ABCC4: variants seen among roughly 807,000 people sequenced by gnomAD.
ABCC4 encodes ATP binding cassette subfamily C member 4 (PEL blood group).
A neutral mutation model predicts 168.5 loss-of-function variants in ABCC4; 102 were observed. That is an observed-to-expected ratio of 0.61 (90% CI 0.52 to 0.71). The LOEUF is 0.71. ABCC4 is among the 30% of genes least tolerant of loss of function. ABCC4 has a pLI of 0.00. For synonymous variants in ABCC4, 617 were observed against 590.7 expected, an observed-to-expected ratio of 1.04 and a Z score of -0.65; for missense variants, 1,402 against 1,605.8, an observed-to-expected ratio of 0.87 and a Z score of 2.17.
At chr13:95,289,111 CAGTAATCTGA>C (rs2138944300) in intron 1 of ABCC4, among the ~76,000 whole-genome samples, 2 of 152,286 alleles carry the variant, frequency 1.3e-5, no homozygotes, top group East Asian at 3.9e-4. Context: ...TCTCTCAAGA[CAGTAATCTGA>C]GGGATTACTT....
At chr13:95,103,408 T>C (rs887347737) in intron 20 of ABCC4, among the ~76,000 whole-genome samples, 6 of 152,234 alleles carry the variant, frequency 3.9e-5, no homozygotes, top group Non-Finnish European at 2.9e-5. Flanking sequence ...TGGCTTCCTT[T>C]TAATTTTGGA....
At chr13:95,116,036 CCCAGATAGA>C (rs1269430205) in intron 19 of ABCC4, 35 bp from the exon 20 acceptor site, 12 of 1,465,504 alleles carry the variant, frequency 8.2e-6, no homozygotes, top group African/African-American at 1.4e-5. Context: ...TACTCATTTC[CCCAGATAGA>C]CCCTTTAAGA....
At chr13:95,023,795 C>T (rs186996503) in intron 30 of ABCC4, among the ~76,000 whole-genome samples, 1 of 152,306 alleles carries the variant, frequency 6.6e-6, no homozygotes, top group East Asian at 1.9e-4. Context: ...TTTACAGAAT[C>T]CCAAAGCTGT....
intron 20 of ABCC4, among the ~76,000 whole-genome samples, chr13:95,103,261 T>C (rs1371511662): frequency 6.6e-6 from 1 of 152,032 alleles, no homozygotes; most frequent in Non-Finnish European, 1.5e-5. Flanking sequence ...CGAGACTCCG[T>C]CTCAAAAACA....
chr13:95,140,328 A>T (rs1016830694), intron 19 of ABCC4, among the ~76,000 whole-genome samples: 20 of 152,244 alleles, frequency 1.3e-4, no homozygotes, highest in African/African-American at 4.8e-4. Context: ...AACAGGCTAC[A>T]GATTGCCCAA....
At chr13:95,054,865 G>C (rs1457153371) in intron 26 of ABCC4, among the ~76,000 whole-genome samples, 1 of 152,128 alleles carries the variant, frequency 6.6e-6, no homozygotes, top group African/African-American at 2.4e-5. Flanking sequence ...GATATCCAGG[G>C]AGGCTCTCAT....
chr13:95,174,960 A>G (rs1252395482), intron 13 of ABCC4, among the ~76,000 whole-genome samples: 1 of 152,208 alleles, frequency 6.6e-6, no homozygotes, highest in African/African-American at 2.4e-5. Context: ...TACCATTTAC[A>G]CCATTTTTAA....
chr13:95,098,664 C>T (rs890622392), intron 20 of ABCC4, among the ~76,000 whole-genome samples: 1 of 152,088 alleles, frequency 6.6e-6, no homozygotes, highest in South Asian at 2.1e-4. Context: ...TACAAATACA[C>T]TTATGTATAT....
At chr13:95,132,215 TTTTA>T (rs1339221945) in intron 19 of ABCC4, among the ~76,000 whole-genome samples, 2 of 152,184 alleles carry the variant, frequency 1.3e-5, no homozygotes, top group Admixed American at 6.5e-5. Context: ...TAATTTTATT[TTTTA>T]TTTGTTTACT....
intron 13 of ABCC4, among the ~76,000 whole-genome samples, chr13:95,173,006 C>T (rs1022013139): frequency 6.6e-6 from 1 of 152,216 alleles, no homozygotes; most frequent in Non-Finnish European, 1.5e-5. Context: ...TTGCTGAGCA[C>T]TGACGAAGTA....
At position 95,244,662 on chromosome 13, in the gene ABCC4, A is replaced by AATC. The variant is rs2040057356; in HGVS notation, c.306+2312_306+2313insGAT. 1.0e-4 allele frequency among the ~76,000 whole-genome samples: 2 copies of AATC among 19,786 alleles called. 1 individual carries two copies. Among genetic ancestry groups the AATC allele is most frequent in the Non-Finnish European group, 2.3e-4 (2 of 8,760 alleles). The allele number at this position is 19,786 out of a possible 152,430, so 13.0% of individuals were successfully genotyped here. A position where few individuals can be genotyped will look rare whatever the true frequency, so the allele number is the denominator to read the frequency against. On this transcript the variant is annotated intron_variant, in intron 3 of 30. Transcript: ENST00000645237. ...GAAAGAAAGAAAGAAAGAAAGAAAG[A>AATC]AAGAAAGAAATCATAGCAGTTCCTG...
chr13:95,083,509 T>C (rs986704772), intron 20 of ABCC4, among the ~76,000 whole-genome samples: 1 of 151,364 alleles, frequency 6.6e-6, no homozygotes, highest in Non-Finnish European at 1.5e-5. Context: ...AACTTATCCA[T>C]TAGGTTTTTT....
intron 4 of ABCC4, among the ~76,000 whole-genome samples, chr13:95,214,285 A>G (rs1228667101): frequency 2.6e-5 from 4 of 152,242 alleles, no homozygotes; most frequent in Non-Finnish European, 4.4e-5. Context: ...CAAAGACTGA[A>G]TGAAGGTCCT....
chr13:95,021,252 C>T lies in ABCC4; in HGVS notation c.*323G>A. The T allele has an allele frequency of 4.7e-6, 1 of 212,484 alleles. No homozygotes were observed. Among genetic ancestry groups the T allele is most frequent in the Non-Finnish European group, 9.2e-6 (1 of 108,198 alleles). The allele number at this position is 212,484 out of a possible 1,614,324, so 13.2% of individuals were successfully genotyped here. On this transcript the variant is annotated 3_prime_UTR_variant, in exon 31 of 31. Transcript: ENST00000645237. The stretch of plus-strand genomic sequence containing the variant: ...GGGGCAATAAAAACAACAACAAAAA[C>T]CTGTGACAACTTTGTCCTACTCCTT...
chr13:95,094,944 A>AT (rs2034545068), intron 20 of ABCC4, among the ~76,000 whole-genome samples: 1 of 152,238 alleles, frequency 6.6e-6, no homozygotes, highest in Non-Finnish European at 1.5e-5. Context: ...ACACAATGTG[A>AT]TACCACCTTA....
chr13:95,106,776 G>A (rs200077816), intron 20 of ABCC4, among the ~76,000 whole-genome samples: 2 of 105,308 alleles, frequency 1.9e-5, no homozygotes, highest in African/African-American at 7.3e-5. Flanking sequence ...AATCATGGCT[G>A]TTTGGGAACA....
chr13:95,054,974 A>G (rs1433662452), intron 26 of ABCC4, among the ~76,000 whole-genome samples: 1 of 152,230 alleles, frequency 6.6e-6, no homozygotes, highest in African/African-American at 2.4e-5. Flanking sequence ...AGCAAAATGC[A>G]AAAATGGAAA....
In ABCC4 at chr13:95,161,180, C is replaced by A; in HGVS notation, c.2455+9G>T. Reference sequence around the variant, plus strand: ...ACATACTTACTGAGAAACTTGGTGTCAGACTTACCTATTGGATTTCTATCA... The same window carrying A: ...ACATACTTACTGAGAAACTTGGTGTAAGACTTACCTATTGGATTTCTATCA... On this transcript the variant is annotated intron_variant, in intron 19 of 30. Coordinates refer to ENST00000645237, the MANE Select transcript of ABCC4 (RefSeq NM_005845.5). 6.3e-7 allele frequency: 1 copy of A among 1,584,162 alleles called. No individual in the cohort carries two copies. The highest frequency in any genetic ancestry group is 1.2e-5 in the South Asian group (1 of 85,154).
In ABCC4 at chr13:95,262,791, C is replaced by T. The variant is rs538245318; in HGVS notation, c.75-15038G>A. 1.1e-4 allele frequency among the ~76,000 whole-genome samples: 16 copies of T among 152,218 alleles called. No individual in the cohort carries two copies. The South Asian group carries it at 2.9e-3, about 28-fold the overall frequency. ...GGGATTACAGGCACACGCCACCATG[C>T]CCGGCTAATTTTTTTGTATTTTTAG... On this transcript the variant is annotated intron_variant, in intron 1 of 30. Transcript: ENST00000645237.
Sources: gnomAD v4.1 joint callset for allele counts (sites outside exome capture counted in the v4.1 genomes callset) on GRCh38, gnomAD v4.1.1 for gene constraint, MANE v1.5 for transcripts, NCBI Gene and HGNC (gene_info 2026-07-23, HGNC 2026-07-21) for gene names.